PPP4R3B: variants seen among roughly 807,000 people sequenced by gnomAD.
PPP4R3B encodes the protein serine/threonine-protein phosphatase 4 regulatory subunit 3B.
Under a neutral mutation model 95.4 loss-of-function variants are expected in PPP4R3B, and 52 were observed. The observed-to-expected ratio is 0.54, with a 90% CI of 0.44 to 0.69. PPP4R3B has a LOEUF of 0.69. Ranked by LOEUF, PPP4R3B falls within the 30% of genes least tolerant of loss-of-function variation. PPP4R3B has a pLI of 0.00. For missense variants in PPP4R3B, 1,003 were observed against 1,005.9 expected, an observed-to-expected ratio of 1.00 and a Z score of 0.04; for synonymous variants, 407 against 343.9, an observed-to-expected ratio of 1.18 and a Z score of -2.03.
chr2:55,609,913 C>T (rs1220967324), intron 2 of PPP4R3B, among the ~76,000 whole-genome samples: 3 of 152,084 alleles, frequency 2.0e-5, no homozygotes, highest in Admixed American at 6.5e-5. Flanking sequence ...GGAAACTGTA[C>T]GGACAGAATC....
chr2:55,567,252 T>A (rs902471887), intron 13 of PPP4R3B, among the ~76,000 whole-genome samples: 2 of 152,196 alleles, frequency 1.3e-5, no homozygotes, highest in African/African-American at 4.8e-5. Flanking sequence ...TGTGCTACTA[T>A]CCAAAAGGAT....
chr2:55,553,814 TG>T (rs1258741495), intron 16 of PPP4R3B, among the ~76,000 whole-genome samples: 1 of 152,232 alleles, frequency 6.6e-6, no homozygotes, highest in Non-Finnish European at 1.5e-5. Flanking sequence ...TAATATCCAC[TG>T]TATGAATATG....
At chr2:55,561,199 G>T (rs1437461285) in intron 15 of PPP4R3B, among the ~76,000 whole-genome samples, 2 of 152,138 alleles carry the variant, frequency 1.3e-5, no homozygotes, top group African/African-American at 4.8e-5. Context: ...CCCAACTCTT[G>T]GTGGCTTCCA....
intron 7 of PPP4R3B, 134 bp downstream of exon 7, chr2:55,584,917 G>T: frequency 1.4e-6 from 1 of 722,642 alleles, no homozygotes; most frequent in Non-Finnish European, 2.2e-6. Flanking sequence ...TTTGGCCAAA[G>T]TCACAACAAG....
At chr2:55,583,557 T>C (rs1689709051) in intron 7 of PPP4R3B, among the ~76,000 whole-genome samples, 1 of 152,244 alleles carries the variant, frequency 6.6e-6, no homozygotes, top group East Asian at 1.9e-4. Flanking sequence ...GGTCATTTTA[T>C]GATAAATGCC....
Position 55,598,718 on chromosome 2 carries a change from C to T in PPP4R3B, c.619G>A (p.Ala207Thr). The T allele has an allele frequency of 1.2e-6, 2 of 1,614,174 alleles. No individual in the cohort carries two copies. The highest frequency in any genetic ancestry group is 1.7e-6 in the Non-Finnish European group (2 of 1,180,028). ...GAAAACATTACCTCAAAAAGAGTTG[C>T]CTTATTTAGGAATAAGATTCCTCTA... ...IIRGILFLNKATLFEVMFSDE... is the reference protein window; with the variant it reads ...IIRGILFLNKTTLFEVMFSDE... The change falls in exon 4 of 17, where the codon GCA becomes ACA. Residue 207 changes from alanine (A) to threonine (T), a missense_variant. Around this residue, in one of 3 missense-constraint regions of PPP4R3B, gnomAD observed 695 missense variants for 686.2 expected, o/e 1.01. Coordinates refer to ENST00000616407, the MANE Select transcript of PPP4R3B (RefSeq NM_001122964.3).
At chr2:55,566,833 C>T (rs754873859) in intron 13 of PPP4R3B, among the ~76,000 whole-genome samples, 1 of 151,956 alleles carries the variant, frequency 6.6e-6, no homozygotes, top group Non-Finnish European at 1.5e-5. Flanking sequence ...AAAGGGAGAC[C>T]CCATACATAA....
intron 16 of PPP4R3B, among the ~76,000 whole-genome samples, chr2:55,553,796 T>C (rs527934346): frequency 1.2e-4 from 18 of 152,254 alleles, no homozygotes; most frequent in Non-Finnish European, 2.1e-4. Context: ...TTCTTTTTTA[T>C]GGCCAAATAA....
Position 55,581,637 on chromosome 2 carries a change from C to T in PPP4R3B, c.1295G>A (p.Gly432Glu). 6.2e-7 allele frequency: 1 copy of T among 1,613,694 alleles called. No individual in the cohort carries two copies. Among genetic ancestry groups the T allele is most frequent in the Admixed American group, 1.7e-5 (1 of 60,012 alleles). Residue 432 changes from glycine to glutamate, a missense_variant, in exon 8 of 17, where the codon GGA becomes GAA. Transcript: ENST00000616407. ...AAGTCCCATTAACTGAACAGCGCCT[C>T]CTAGCTCAGGATCAGTATCACAGAT... ...QMICDTDPEL[G>E]GAVQLMGLLR...
chr2:55,611,937 T>G (rs1694224499), intron 2 of PPP4R3B, among the ~76,000 whole-genome samples: 1 of 152,142 alleles, frequency 6.6e-6, no homozygotes, highest in South Asian at 2.1e-4. Context: ...CTTGCTATGT[T>G]GTGCAGGCTG....
At position 55,578,315 on chromosome 2, in the gene PPP4R3B, C is replaced by T. The variant is rs1688969766; in HGVS notation, c.1496G>A (p.Ser499Asn). The T allele has an allele frequency of 3.4e-6, 5 of 1,452,458 alleles. No homozygotes were observed. Among genetic ancestry groups the T allele is most frequent in the Non-Finnish European group, 4.5e-6 (5 of 1,101,730 alleles). 90.0% of individuals were successfully genotyped at this position (1,452,458 alleles called of 1,614,324 possible). ...TGAAGGGGTACATATGAAACTCCAA[C>T]TATATCTGTAATGTTTTAAAAAAAA... ...KDFFLKHYRYSWSFICTPSHS... is the reference protein window; with the variant it reads ...KDFFLKHYRYNWSFICTPSHS... Residue 499 changes from serine to asparagine, a missense_variant, in exon 10 of 17, where the codon AGT becomes AAT. Physicochemically the swap from Ser to Asn is conservative, Grantham distance 46. Coordinates refer to ENST00000616407, the MANE Select transcript of PPP4R3B (RefSeq NM_001122964.3).
chr2:55,566,801 G>A (rs556450206), intron 13 of PPP4R3B, among the ~76,000 whole-genome samples: 105 of 152,252 alleles, frequency 6.9e-4, no homozygotes, highest in African/African-American at 2.3e-3. Flanking sequence ...GAGCCTAGGC[G>A]TTTGAGACCA....
chr2:55,579,614 G>T, intron 9 of PPP4R3B, 65 bp downstream of exon 9: 1 of 1,176,358 alleles, frequency 8.5e-7, no homozygotes, highest in Non-Finnish European at 1.2e-6. Flanking sequence ...TTGCCTGTTA[G>T]TTTAATATTT....
At chr2:55,595,551 A>C (rs1251060562) in intron 4 of PPP4R3B, among the ~76,000 whole-genome samples, 1 of 151,952 alleles carries the variant, frequency 6.6e-6, no homozygotes, top group Non-Finnish European at 1.5e-5. Context: ...AAGTCATTTT[A>C]TGTTTATGTA....
At chr2:55,608,038 C>T (rs1335879996) in intron 2 of PPP4R3B, among the ~76,000 whole-genome samples, 1 of 152,216 alleles carries the variant, frequency 6.6e-6, no homozygotes, top group African/African-American at 2.4e-5. Context: ...CAGAGTCTCA[C>T]TCTGTTGCCC....
intron 15 of PPP4R3B, among the ~76,000 whole-genome samples, chr2:55,560,979 T>G (rs1686535482): frequency 6.6e-6 from 1 of 152,116 alleles, no homozygotes; most frequent in Non-Finnish European, 1.5e-5. Flanking sequence ...AAATTCAAGC[T>G]GGCTGCAGAA....
At chr2:55,597,909 C>T (rs749359902) in intron 4 of PPP4R3B, among the ~76,000 whole-genome samples, 2 of 152,138 alleles carry the variant, frequency 1.3e-5, no homozygotes, top group Non-Finnish European at 2.9e-5. Context: ...AGCTAAAACA[C>T]AGGCTACTTA....
intron 2 of PPP4R3B, among the ~76,000 whole-genome samples, chr2:55,605,341 A>G (rs562155149): frequency 2.6e-5 from 4 of 152,188 alleles, no homozygotes; most frequent in African/African-American, 9.7e-5. Flanking sequence ...TATAAATATC[A>G]TGACCTGACA....
intron 16 of PPP4R3B, among the ~76,000 whole-genome samples, chr2:55,557,757 TATACA>T (rs1317682419): frequency 2.0e-5 from 3 of 152,278 alleles, no homozygotes; most frequent in African/African-American, 4.8e-5. Context: ...TTTCTACCTT[TATACA>T]ATAGTTGTCC....
Sources: gnomAD v4.1 joint callset for allele counts (sites outside exome capture counted in the v4.1 genomes callset) on GRCh38, gnomAD v4.1.1 for gene constraint, gnomAD v4.1.1 regional missense constraint, MANE v1.5 for transcripts, NCBI Gene and HGNC (gene_info 2026-07-23, HGNC 2026-07-21) for gene names.